KIF13A: variants seen among roughly 807,000 people sequenced by gnomAD.
The protein encoded by KIF13A is kinesin-like protein KIF13A.
KIF13A carries 79 observed loss-of-function variants against 212.2 expected under a neutral mutation model. The ratio of observed to expected loss-of-function variants is 0.37; its 90% CI spans 0.31 to 0.45. The LOEUF (loss-of-function observed/expected upper bound fraction) is 0.45, where lower values mean the gene tolerates loss of function less well. KIF13A is among the 20% of genes least tolerant of loss of function. KIF13A has a pLI of 1.00. For synonymous variants in KIF13A, 789 were observed against 808.6 expected (o/e 0.98, Z 0.41); for missense variants, 1,901 against 2,209.0 (o/e 0.86, Z 2.79).
intron 2 of KIF13A, among the ~76,000 whole-genome samples, chr6:17,939,932 C>T (rs773176168): frequency 2.7e-5 from 4 of 150,860 alleles, no homozygotes; most frequent in South Asian, 2.1e-4. Context: ...GCCAGCTACT[C>T]GGGAGGCTGA....
intron 9 of KIF13A, among the ~76,000 whole-genome samples, chr6:17,847,516 A>G (rs1767192134): frequency 6.6e-6 from 1 of 152,228 alleles, no homozygotes; most frequent in Non-Finnish European, 1.5e-5. Flanking sequence ...TGAAAATAAT[A>G]ATGTGTTAAC....
At chr6:17,790,993 GAAA>G (rs1249249684) in intron 25 of KIF13A, among the ~76,000 whole-genome samples, 1 of 151,706 alleles carries the variant, frequency 6.6e-6, no homozygotes, top group Non-Finnish European at 1.5e-5. Flanking sequence ...GGTCTTGGTA[GAAA>G]AAAATTTTCC....
chr6:17,869,181 C>T (rs1769770889), intron 4 of KIF13A, among the ~76,000 whole-genome samples: 4 of 151,974 alleles, frequency 2.6e-5, no homozygotes, highest in African/African-American at 9.7e-5. Flanking sequence ...TGGAGGGGAT[C>T]TGAGATCATT....
intron 4 of KIF13A, among the ~76,000 whole-genome samples, chr6:17,867,166 T>C (rs1051593626): frequency 3.3e-5 from 5 of 152,062 alleles, no homozygotes; most frequent in Non-Finnish European, 5.9e-5. Flanking sequence ...TGTAATTACA[T>C]AATTTAATTA....
rs189389283 is a variant in KIF13A at position 17,883,916 on chromosome 6, A to G, written c.160-10479T>C. The stretch of plus-strand genomic sequence containing the variant: ...GCACTCCAGCCTGGACAACCTAGTG[A>G]GATCCCATTGCTAAAAGGAAATAAT... On this transcript the variant is annotated intron_variant, in intron 3 of 38. Transcript: ENST00000259711. This position sits in a 1 kb window ranked among gnomAD's most constrained non-coding sequence, Gnocchi z 4.8. Among the ~76,000 whole-genome samples, 51 of 152,308 alleles carry G rather than the reference A, an allele frequency of 3.3e-4. No individual in the cohort carries two copies. The highest frequency in any genetic ancestry group is 1.2e-3 in the African/African-American group (49 of 41,574).
chr6:17,950,637 A>T (rs1777766221), intron 2 of KIF13A: 1 of 985,224 alleles, frequency 1.0e-6, no homozygotes, highest in Non-Finnish European at 1.2e-6. Context: ...AAAAGCAATA[A>T]CTATCTCTCA....
In KIF13A at chr6:17,811,915, T is replaced by A. The variant is rs1364247102; in HGVS notation, c.2001-2985A>T. On this transcript the variant is annotated intron_variant, in intron 17 of 38. Coordinates refer to ENST00000259711, the MANE Select transcript of KIF13A (RefSeq NM_022113.6). The surrounding 1 kb of genome is among the most constrained non-coding windows in gnomAD (Gnocchi z 6.0). The stretch of plus-strand genomic sequence containing the variant: ...GCCCAGGCTGCAGTGCAGTGGCTAT[T>A]CAGAGGCATGATCACAGTGCACTAC... The A allele has an allele frequency of 6.6e-6, 1 of 152,032 alleles. No individual in the cohort carries two copies. Among genetic ancestry groups the A allele is most frequent in the Non-Finnish European group, 1.5e-5 (1 of 68,006 alleles). 9.4% of individuals were successfully genotyped at this position (152,032 alleles called of 1,614,324 possible).
intron 2 of KIF13A, among the ~76,000 whole-genome samples, chr6:17,948,210 A>T (rs1179944539): frequency 2.0e-5 from 3 of 152,212 alleles, no homozygotes; most frequent in Non-Finnish European, 4.4e-5. Flanking sequence ...AAATAGCCAG[A>T]CTGAAGGATC....
At chr6:17,922,574 T>C (rs1490539551) in intron 2 of KIF13A, among the ~76,000 whole-genome samples, 1 of 146,656 alleles carries the variant, frequency 6.8e-6, no homozygotes. Flanking sequence ...ACTAAAAATA[T>C]ATTGCTTGGG....
Position 17,828,126 on chromosome 6 carries a change from G to T in KIF13A, c.1532+114C>A. 1.0e-6 allele frequency: 1 copy of T among 986,158 alleles called. No individual in the cohort carries two copies. Among genetic ancestry groups the T allele is most frequent in the Non-Finnish European group, 1.5e-6 (1 of 687,378 alleles). The allele number at this position is 986,158 out of a possible 1,614,324, so 61.1% of individuals were successfully genotyped here. A position where few individuals can be genotyped will look rare whatever the true frequency, so the allele number is the denominator to read the frequency against. ...AATCAGAAAGCAAGGGCCCCCTGAG[G>T]ACCCCCATGTATCCTTAACTTTAAT... On this transcript the variant is annotated intron_variant, in intron 14 of 38. Coordinates refer to ENST00000259711, the MANE Select transcript of KIF13A (RefSeq NM_022113.6). This position sits in a 1 kb window ranked among gnomAD's most constrained non-coding sequence, Gnocchi z 4.3.
rs1759106751 is a variant in KIF13A, at chr6:17,767,439, G to C, written c.4582-2493C>G. ...CCGGCTAATTTTTGTATTTTTAGTA[G>C]AGACAGGATTTCACCATGTTGGCCA... On this transcript the variant is annotated intron_variant, in intron 38 of 38. Coordinates refer to ENST00000259711, the MANE Select transcript of KIF13A (RefSeq NM_022113.6). Among the ~76,000 whole-genome samples, 5 of 151,724 alleles carry C rather than the reference G, an allele frequency of 3.3e-5. No individual in the cohort carries two copies. In the South Asian group the frequency reaches 1.0e-3, roughly 32 times the overall value.
chr6:17,912,231 T>C lies in KIF13A; in HGVS notation c.147-14051A>G, dbSNP rs1299437853. 6.6e-6 allele frequency among the ~76,000 whole-genome samples: 1 copy of C among 152,124 alleles called. No homozygotes were observed. The highest frequency in any genetic ancestry group is 1.5e-5 in the Non-Finnish European group (1 of 68,038). ...CATGTACCCTATAAATATATATACC[T>C]ACGACATACCCAGAAAAATTAGAAG... On this transcript the variant is annotated intron_variant, in intron 2 of 38. Coordinates refer to ENST00000259711, the MANE Select transcript of KIF13A (RefSeq NM_022113.6). This position sits in a 1 kb window ranked among gnomAD's most constrained non-coding sequence, Gnocchi z 4.2.
In KIF13A at chr6:17,764,837, A is replaced by G. The variant is rs757287995; in HGVS notation, c.4691T>C (p.Leu1564Ser). The change falls in exon 39 of 39, where the codon TTG (leucine) becomes TCG (serine). Residue 1564 changes from leucine to serine, a missense_variant. By Grantham distance (145) the Leu-to-Ser change is moderately radical. Transcript: ENST00000259711. The surrounding 1 kb of genome is among the most constrained non-coding windows in gnomAD (Gnocchi z 5.1). ...FADFSVYNAS[L>S]ENREWFSSKV... ...AGAGGAAAACCATTCCCTGTTCTCC[A>G]AGCTGGCATTGTAAACACTGAAGTC... The G allele has an allele frequency of 2.2e-5, 35 of 1,613,862 alleles. No homozygotes were observed. The East Asian group carries it at 7.6e-4, about 35-fold the overall frequency.
intron 2 of KIF13A, among the ~76,000 whole-genome samples, chr6:17,957,550 T>A (rs1778442891): frequency 6.6e-6 from 1 of 152,164 alleles, no homozygotes. Flanking sequence ...AACCCCAACT[T>A]GAAGCTGGTA....
chr6:17,927,020 G>A (rs978824589), intron 2 of KIF13A, among the ~76,000 whole-genome samples: 3 of 151,834 alleles, frequency 2.0e-5, no homozygotes, highest in African/African-American at 7.3e-5. Context: ...TGTGACTGCA[G>A]TCCCCGCTAC....
intron 33 of KIF13A, among the ~76,000 whole-genome samples, chr6:17,778,429 A>G (rs951691494): frequency 6.6e-6 from 1 of 152,056 alleles, no homozygotes; most frequent in Admixed American, 6.5e-5. Context: ...ATGAAATGAC[A>G]TATCTTATCT....
intron 9 of KIF13A, among the ~76,000 whole-genome samples, chr6:17,841,964 CATGT>C (rs200012282): frequency 0.01 from 1,516 of 150,244 alleles, 27 homozygotes; most frequent in African/African-American, 0.035. Flanking sequence ...CACACACATA[CATGT>C]AAGTACATGT....
rs1000661046 is a variant in KIF13A, at chr6:17,926,039, G to A, written c.147-27859C>T. On this transcript the variant is annotated intron_variant, in intron 2 of 38. Coordinates refer to ENST00000259711, the MANE Select transcript of KIF13A (RefSeq NM_022113.6). This position sits in a 1 kb window ranked among gnomAD's most constrained non-coding sequence, Gnocchi z 4.3. ...CACCAGAAGAGGCAGCTGTATCTAT[G>A]ATGCTCTTATGTAAAATGCTCATCT... Among the ~76,000 whole-genome samples, 1 of 152,112 alleles carries A rather than the reference G, an allele frequency of 6.6e-6. No individual in the cohort carries two copies. The highest frequency in any genetic ancestry group is 6.5e-5 in the Admixed American group (1 of 15,274).
Position 17,899,997 on chromosome 6 carries a change from A to T in KIF13A, c.147-1817T>A, listed in dbSNP as rs981910. ...ACTTTATGAACCATATTTTTGACTA[A>T]ACCTTCTCATTTTGCTTGCTTTATT... On this transcript the variant is annotated intron_variant, in intron 2 of 38. Coordinates refer to ENST00000259711, the MANE Select transcript of KIF13A (RefSeq NM_022113.6). This position sits in a 1 kb window ranked among gnomAD's most constrained non-coding sequence, Gnocchi z 5.2. Among the ~76,000 whole-genome samples, 112,773 of 152,106 alleles carry T rather than the reference A, an allele frequency of 0.74. 42,218 individuals are homozygous for T. The highest frequency in any genetic ancestry group is 0.84 in the South Asian group (4,028 of 4,820).
Sources: allele counts gnomAD v4.1 joint callset (sites outside exome capture counted in the v4.1 genomes callset), GRCh38; gene constraint gnomAD v4.1.1; non-coding constraint Gnocchi (gnomAD v3.1); transcripts MANE v1.5; gene names NCBI Gene and HGNC (gene_info 2026-07-23, HGNC 2026-07-21).